GSE1: variants seen among roughly 807,000 people sequenced by gnomAD.
GSE1 encodes Gse1 coiled-coil protein, also known as genetic suppressor element 1.
In GSE1, 32 loss-of-function variants were observed where a neutral mutation model predicts 112.6. That is an observed-to-expected ratio of 0.28 (90% CI 0.21 to 0.38). The LOEUF is 0.38. Among genes scored for constraint, GSE1 ranks in the 10% least tolerant of loss-of-function variants. The pLI is 1.00. For synonymous variants in GSE1, 1,115 were observed against 735.6 expected (o/e 1.52, Z -8.35); for missense variants, 2,348 against 1,699.2 (o/e 1.38, Z -6.71).
At chr16:85,250,964 G>A (rs536211197) in intron 1 of GSE1, among the ~76,000 whole-genome samples, 4 of 152,254 alleles carry the variant, frequency 2.6e-5, no homozygotes, top group South Asian at 2.1e-4. Context: ...CCTGGTTTCC[G>A]CAGTCATCCA....
At chr16:85,658,850 T>G (rs1344167441) in intron 8 of GSE1, among the ~76,000 whole-genome samples, 2 of 152,176 alleles carry the variant, frequency 1.3e-5, no homozygotes, top group Admixed American at 6.5e-5. Flanking sequence ...TGTTGTGACT[T>G]TGCCCACCCA....
chr16:85,379,066 C>T (rs1029271055), intron 2 of GSE1, among the ~76,000 whole-genome samples: 1 of 152,320 alleles, frequency 6.6e-6, no homozygotes, highest in Non-Finnish European at 1.5e-5. Context: ...CCCACAGAGC[C>T]GCTATGACTC....
intron 2 of GSE1, among the ~76,000 whole-genome samples, chr16:85,494,238 A>G (rs1032804808): frequency 3.3e-5 from 5 of 152,202 alleles, no homozygotes; most frequent in Non-Finnish European, 7.3e-5. Context: ...CTCTAGGGGA[A>G]TAGTTTCCCT....
At chr16:85,182,197 G>A (rs895017339) in intron 1 of GSE1, among the ~76,000 whole-genome samples, 6 of 152,190 alleles carry the variant, frequency 3.9e-5, no homozygotes, top group Non-Finnish European at 5.9e-5. Flanking sequence ...GGTAGTCTGG[G>A]CTCCTGTGGG....
At chr16:85,599,837 C>G (rs1029014526) in intron 1 of GSE1, among the ~76,000 whole-genome samples, 3 of 152,202 alleles carry the variant, frequency 2.0e-5, no homozygotes, top group African/African-American at 7.2e-5. Context: ...GAGTTAGAGG[C>G]TGCAGTGAGC....
At chr16:85,269,277 C>T (rs1489439672) in intron 1 of GSE1, among the ~76,000 whole-genome samples, 1 of 149,484 alleles carries the variant, frequency 6.7e-6, no homozygotes, top group African/African-American at 2.4e-5. Flanking sequence ...GGGGGAGCAT[C>T]CCACGTCCTT....
At chr16:85,280,002 T>G (rs1038377677) in intron 1 of GSE1, among the ~76,000 whole-genome samples, 2 of 152,164 alleles carry the variant, frequency 1.3e-5, no homozygotes, top group Admixed American at 1.3e-4. Context: ...GAGGGGGAAA[T>G]TGAGCCTTGC....
At chr16:85,445,064 A>G (rs1485417525) in intron 2 of GSE1, among the ~76,000 whole-genome samples, 1 of 152,168 alleles carries the variant, frequency 6.6e-6, no homozygotes, top group East Asian at 1.9e-4. Flanking sequence ...TCTTTTCTGC[A>G]CGCCTTGCCC....
intron 2 of GSE1, among the ~76,000 whole-genome samples, chr16:85,509,942 G>C (rs2051676240): frequency 6.6e-6 from 1 of 152,228 alleles, no homozygotes; most frequent in Admixed American, 6.5e-5. Context: ...TTCCAAGATG[G>C]ATTGATTCAA....
At chr16:85,533,406 C>T (rs1476608140) in intron 2 of GSE1, among the ~76,000 whole-genome samples, 10 of 151,306 alleles carry the variant, frequency 6.6e-5, no homozygotes, top group East Asian at 3.9e-4. Flanking sequence ...GGCGACACAG[C>T]GAGACTCCGT....
intron 2 of GSE1, among the ~76,000 whole-genome samples, chr16:85,539,348 C>T (rs555656432): frequency 1.3e-5 from 2 of 152,328 alleles, no homozygotes; most frequent in Admixed American, 6.5e-5. Context: ...TTAGTCAAGG[C>T]GGGCGGCTCT....
In GSE1 at chr16:85,373,848, G is replaced by A. The variant is rs4783175; in HGVS notation, c.2464+16205G>A. Among the ~76,000 whole-genome samples, 37,192 of 152,022 alleles carry A rather than the reference G, an allele frequency of 0.24. 5,544 individuals are homozygous for A. The highest frequency in any genetic ancestry group is 0.51 in the East Asian group (2,614 of 5,150). On this transcript the variant is annotated intron_variant, in intron 2 of 2. Coordinates refer to the GSE1 transcript ENST00000637419. This position sits in a 1 kb window ranked among gnomAD's most constrained non-coding sequence, Gnocchi z 5.1. Reference sequence around the variant, plus strand: ...CCCACGGTGCCCCACGGTTACCACCGCCACGGCAGGGCCAGTCTCTTTGTC... The same window carrying A: ...CCCACGGTGCCCCACGGTTACCACCACCACGGCAGGGCCAGTCTCTTTGTC...
intron 2 of GSE1, among the ~76,000 whole-genome samples, chr16:85,441,926 G>A (rs1019718573): frequency 1.3e-5 from 2 of 152,240 alleles, no homozygotes; most frequent in South Asian, 2.1e-4. Flanking sequence ...TCCCTGTGCC[G>A]CTTGCAATAA....
intron 1 of GSE1, among the ~76,000 whole-genome samples, chr16:85,274,605 A>G (rs1909172735): frequency 6.6e-6 from 1 of 152,094 alleles, no homozygotes; most frequent in Non-Finnish European, 1.5e-5. Context: ...TGGGCAGGGG[A>G]CCTGGCGGTT....
chr16:85,615,007 T>C (rs1435124091), intron 1 of GSE1, among the ~76,000 whole-genome samples: 2 of 152,172 alleles, frequency 1.3e-5, no homozygotes, highest in African/African-American at 4.8e-5. Flanking sequence ...GTCGGCCGTC[T>C]CGTCCTCTCC....
intron 1 of GSE1, among the ~76,000 whole-genome samples, chr16:85,210,225 C>G (rs2075201317): frequency 6.6e-6 from 1 of 152,118 alleles, no homozygotes; most frequent in Non-Finnish European, 1.5e-5. Context: ...GAAATTTGTC[C>G]TAAAGAAGTA....
At chr16:85,565,753 G>A (rs2045720938) in intron 1 of GSE1, among the ~76,000 whole-genome samples, 1 of 152,208 alleles carries the variant, frequency 6.6e-6, no homozygotes, top group Non-Finnish European at 1.5e-5. Context: ...CAGGCTGTGG[G>A]GTGAGCGGTG....
intron 2 of GSE1, among the ~76,000 whole-genome samples, chr16:85,437,889 C>G (rs2049288550): frequency 6.6e-6 from 1 of 152,198 alleles, no homozygotes; most frequent in Non-Finnish European, 1.5e-5. Context: ...CTGAACCTTT[C>G]TGAGCCTGCC....
chr16:85,570,087 G>A (rs1440802422), intron 1 of GSE1, among the ~76,000 whole-genome samples: 2 of 152,200 alleles, frequency 1.3e-5, no homozygotes, highest in South Asian at 2.1e-4. Flanking sequence ...TGAGCTTTTC[G>A]GAGAAGCAGC....
Sources: gnomAD v4.1 joint callset for allele counts (sites outside exome capture counted in the v4.1 genomes callset) on GRCh38, gnomAD v4.1.1 for gene constraint, Gnocchi (gnomAD v3.1) non-coding constraint, MANE v1.5 for transcripts, NCBI Gene and HGNC (gene_info 2026-07-23, HGNC 2026-07-21) for gene names.